The following BRSK2 variants were observed in gnomAD, a reference collection of about 807,000 sequenced individuals.
BRSK2 encodes the protein serine/threonine-protein kinase BRSK2.
In BRSK2, 19 loss-of-function variants were observed where a neutral mutation model predicts 83.3. That is an observed-to-expected ratio of 0.23 (90% CI 0.16 to 0.33). The LOEUF (loss-of-function observed/expected upper bound fraction) is 0.33. BRSK2 is among the 10% of genes least tolerant of loss of function. BRSK2 has a pLI of 1.00. For missense variants in BRSK2, 798 were observed against 1,042.3 expected, an observed-to-expected ratio of 0.77 and a Z score of 3.23; for synonymous variants, 519 against 435.4, an observed-to-expected ratio of 1.19 and a Z score of -2.39.
chr11:1,426,922 G>A (rs937987736), intron 1 of BRSK2, among the ~76,000 whole-genome samples: 18 of 152,134 alleles, frequency 1.2e-4, no homozygotes, highest in Non-Finnish European at 1.8e-4. Context: ...GTCTGCATGC[G>A]GGAGATGGGG....
At chr11:1,439,243 C>T (rs191024123) in intron 3 of BRSK2, among the ~76,000 whole-genome samples, 2 of 152,204 alleles carry the variant, frequency 1.3e-5, no homozygotes, top group Non-Finnish European at 2.9e-5. Flanking sequence ...TCCCCTTCCC[C>T]CAGCAGCAAC....
chr11:1,419,909 T>C (rs925679637), intron 1 of BRSK2, among the ~76,000 whole-genome samples: 15 of 152,148 alleles, frequency 9.9e-5, no homozygotes, highest in Non-Finnish European at 1.8e-4. Context: ...TCAGATTCCA[T>C]CTCGAAAAAA....
At chr11:1,445,059 G>A in intron 9 of BRSK2, 57 bp downstream of exon 9, 2 of 1,589,546 alleles carry the variant, frequency 1.3e-6, no homozygotes, top group Non-Finnish European at 8.6e-7. Flanking sequence ...TGGCCTGGAG[G>A]CCCTGCTAGG....
intron 1 of BRSK2, among the ~76,000 whole-genome samples, chr11:1,396,418 G>A (rs376845941): frequency 3.6e-4 from 55 of 152,294 alleles, no homozygotes; most frequent in Admixed American, 1.4e-3. Flanking sequence ...TCTCACTCCC[G>A]AGTCTGCGGA....
At chr11:1,406,224 A>T (rs897478357) in intron 1 of BRSK2, among the ~76,000 whole-genome samples, 1 of 152,116 alleles carries the variant, frequency 6.6e-6, no homozygotes, top group African/African-American at 2.4e-5. Flanking sequence ...TAATCCCAGC[A>T]CTTTGGGAGG....
At chr11:1,442,455 C>A in intron 4 of BRSK2, 35 bp from the exon 5 acceptor site, 2 of 1,555,788 alleles carry the variant, frequency 1.3e-6, no homozygotes, top group Non-Finnish European at 1.8e-6. Context: ...AAGGCAGAGA[C>A]TGGCCCTGTT....
chr11:1,445,889 T>C lies in BRSK2; in HGVS notation c.1208T>C (p.Met403Thr), dbSNP rs776014876. The part of the protein sequence containing the change: ...SPVPARRAIE[M>T]AQHGQRSRSI... The stretch of plus-strand genomic sequence containing the variant: ...GTGCCTGCGCGGCGGGCCATTGAGA[T>C]GGCCCAGCACGGCCAGAGGTGTGTG... Residue 403 changes from methionine (M) to threonine (T), a missense_variant, in exon 12 of 20, where the codon ATG becomes ACG. Met to Thr is a moderately conservative substitution (Grantham distance 81, BLOSUM62 -1). Coordinates refer to ENST00000528841, the MANE Select transcript of BRSK2 (RefSeq NM_001256627.2). 6.2e-7 allele frequency: 1 copy of C among 1,610,784 alleles called. No individual in the cohort carries two copies. The highest frequency in any genetic ancestry group is 8.5e-7 in the Non-Finnish European group (1 of 1,178,942).
intron 1 of BRSK2, among the ~76,000 whole-genome samples, chr11:1,418,262 T>A (rs1233797773): frequency 6.8e-6 from 1 of 147,156 alleles, no homozygotes; most frequent in African/African-American, 2.5e-5. Context: ...TTCTGTGGGC[T>A]GTTTCTTCTC....
At chr11:1,411,676 G>T in intron 1 of BRSK2, 1 of 1,532,986 alleles carries the variant, frequency 6.5e-7, no homozygotes, top group African/African-American at 1.4e-5. Context: ...CCTCGAGGGA[G>T]GAGTGTGTTC....
chr11:1,399,449 T>C (rs1197144073), intron 1 of BRSK2, among the ~76,000 whole-genome samples: 2 of 152,114 alleles, frequency 1.3e-5, no homozygotes, highest in African/African-American at 4.8e-5. Context: ...TCAGATGGCG[T>C]CACTGTGTTG....
intron 16 of BRSK2, among the ~76,000 whole-genome samples, chr11:1,455,304 G>GC (rs1311524967): frequency 2.1e-5 from 3 of 140,334 alleles, no homozygotes; most frequent in Admixed American, 7.1e-5. Flanking sequence ...CACAGGGGCT[G>GC]CCCCCCACCC....
At chr11:1,407,886 C>G (rs928351526) in intron 1 of BRSK2, among the ~76,000 whole-genome samples, 2 of 152,188 alleles carry the variant, frequency 1.3e-5, no homozygotes, top group African/African-American at 4.8e-5. Flanking sequence ...CCCAGTGTGC[C>G]CTCAGATCCA....
intron 5 of BRSK2, among the ~76,000 whole-genome samples, chr11:1,442,892 C>T (rs532709857): frequency 1.3e-5 from 2 of 152,234 alleles, no homozygotes; most frequent in East Asian, 3.9e-4. Context: ...GGCCCCTGCC[C>T]AGCCGAGTGG....
Position 1,440,882 on chromosome 11 carries a change from C to A in BRSK2, c.367C>A (p.Arg123=), listed in dbSNP as rs772013439. Residue 123 remains arginine (R), a synonymous_variant, in exon 4 of 20, where the codon CGG becomes AGG. Transcript: ENST00000528841. ...GCCTAAGGAGGCTCGGAAGTTCTTC[C>A]GGCAGATCATCTCTGCGCTGGACTT... ...LTPKEARKFF[R]QIISALDFCH... The A allele has an allele frequency of 6.8e-6, 11 of 1,609,286 alleles. No homozygotes were observed. The highest frequency in any genetic ancestry group is 2.7e-5 in the African/African-American group (2 of 74,708).
intron 4 of BRSK2, among the ~76,000 whole-genome samples, chr11:1,442,215 G>A (rs1370452310): frequency 2.0e-5 from 3 of 151,922 alleles, no homozygotes; most frequent in Admixed American, 1.3e-4. Flanking sequence ...CAGAGCAGGT[G>A]TGCTAGGGAG....
At chr11:1,444,247 G>A (rs970952670) in intron 8 of BRSK2, among the ~76,000 whole-genome samples, 5 of 152,136 alleles carry the variant, frequency 3.3e-5, no homozygotes, top group Non-Finnish European at 5.9e-5. Flanking sequence ...CAGCTGTGGG[G>A]GCTAGCAAGA....
intron 1 of BRSK2, among the ~76,000 whole-genome samples, chr11:1,393,986 A>C (rs61867615): frequency 1.3e-5 from 1 of 74,312 alleles, no homozygotes; most frequent in African/African-American, 5.0e-5. Flanking sequence ...GAGATGGGCC[A>C]TGGAGATGGG....
chr11:1,454,226 G>C lies in BRSK2; in HGVS notation c.1545-259G>C, dbSNP rs1175883332. On this transcript the variant is annotated intron_variant, in intron 15 of 19. Transcript: ENST00000528841. The surrounding 1 kb of genome is among the most constrained non-coding windows in gnomAD (Gnocchi z 5.2). ...CCAGACTTGGGAGTGGGTGGCATAT[G>C]GGCCAGGGTCAGGGCGTTAGGGCTT... The C allele has an allele frequency of 4.1e-5, 14 of 341,052 alleles. No individual in the cohort carries two copies. The highest frequency in any genetic ancestry group is 6.4e-5 in the Non-Finnish European group (12 of 188,036). The allele number at this position is 341,052 out of a possible 1,614,324, so 21.1% of individuals were successfully genotyped here. A position where few individuals can be genotyped will look rare whatever the true frequency, so the allele number is the denominator to read the frequency against.
At chr11:1,429,205 G>A (rs60253270) in intron 1 of BRSK2, among the ~76,000 whole-genome samples, 59,205 of 149,722 alleles carry the variant, frequency 0.4, 12,142 homozygotes, top group African/African-American at 0.5. Context: ...ATGGGTGTGT[G>A]TGCACGCGGT....
Sources: gnomAD v4.1 joint callset for allele counts (sites outside exome capture counted in the v4.1 genomes callset) on GRCh38, gnomAD v4.1.1 for gene constraint, Gnocchi (gnomAD v3.1) non-coding constraint, MANE v1.5 for transcripts, NCBI Gene and HGNC (gene_info 2026-07-23, HGNC 2026-07-21) for gene names.